The following MRNIP variants were observed in gnomAD, a reference collection of about 807,000 sequenced individuals.
MRNIP encodes the protein MRN complex interacting protein.
MRNIP carries 30 observed loss-of-function variants against 29.8 expected under a neutral mutation model. The observed-to-expected ratio is 1.01, with a 90% confidence interval of 0.75 to 1.36. MRNIP has a LOEUF of 1.36. Ranked by LOEUF, MRNIP falls within the 40% of genes most tolerant of loss-of-function variation. The probability of loss-of-function intolerance (pLI) is 0.00; values close to 1 mark genes in which losing one functional copy is unlikely to be tolerated. For missense variants in MRNIP, 459 were observed against 423.5 expected (o/e 1.08, Z -0.74); for synonymous variants, 201 against 164.1 (o/e 1.23, Z -1.72).
chr5:179,837,732 G>A lies in MRNIP; in HGVS notation c.691C>T (p.Gln231Ter), dbSNP rs1758665185. The A allele has an allele frequency of 1.9e-6, 3 of 1,614,206 alleles. No homozygotes were observed. The highest frequency in any genetic ancestry group is 2.2e-5 in the East Asian group (1 of 44,884). The change falls in exon 7 of 7, where the codon CAA becomes TAA. Residue 231 changes from glutamine to a stop codon, truncating the protein, a stop_gained. Transcript: ENST00000292586. LOFTEE classifies it low-confidence loss of function (END_TRUNC). Reference sequence around the variant, plus strand: ...CTTTTTCTAGGTGGCAGGACAAATTGCGCCCATTTAGAGGATGTGGCTGTA... The same window carrying A: ...CTTTTTCTAGGTGGCAGGACAAATTACGCCCATTTAGAGGATGTGGCTGTA... Reference protein sequence around the residue: ...QVTATSSKWAQFVLPPRKSSH... With the variant: ...QVTATSSKWA
At chr5:179,855,895 G>A (rs930165596) in intron 1 of MRNIP, among the ~76,000 whole-genome samples, 21 of 147,054 alleles carry the variant, frequency 1.4e-4, no homozygotes, top group African/African-American at 5.3e-4. Context: ...ATATAAACAA[G>A]TAAGAAAAGT....
chr5:179,853,577 G>C (rs1231305992), intron 1 of MRNIP, 140 bp from the exon 2 acceptor site: 3 of 610,724 alleles, frequency 4.9e-6, no homozygotes, highest in Non-Finnish European at 8.6e-6. Context: ...TTCGAGACCA[G>C]CCTGACCAAT....
At chr5:179,855,425 C>T (rs1003083254) in intron 1 of MRNIP, among the ~76,000 whole-genome samples, 24 of 152,106 alleles carry the variant, frequency 1.6e-4, no homozygotes, top group African/African-American at 4.8e-4. Context: ...ACCACCAGCC[C>T]GGCTGCTACC....
In MRNIP at chr5:179,837,612, C is replaced by A. The variant is rs1256810653; in HGVS notation, c.811G>T (p.Ala271Ser). ...GGCCTGCTGAGGCCTTCTCTTGAGG[C>A]CTGTGCTCTGGGGGTCCCTTGCTTA... is the stretch of plus-strand genomic sequence containing the variant. ...QAKQGTPRAQ[A>S]SREGLSRPTA... is the part of the protein sequence containing the mutation. Residue 271 changes from alanine (A) to serine (S), a missense_variant, in exon 7 of 7, where the codon GCC becomes TCC. Physicochemically the swap from Ala to Ser is moderately conservative, Grantham distance 99. Coordinates refer to ENST00000292586, the MANE Select transcript of MRNIP (RefSeq NM_016175.4). 3 of 1,614,102 alleles carry A rather than the reference C, an allele frequency of 1.9e-6. No homozygotes were observed. The highest frequency in any genetic ancestry group is 2.5e-6 in the Non-Finnish European group (3 of 1,180,060).
Position 179,837,441 on chromosome 5 carries a change from G to C in MRNIP, c.982C>G (p.Arg328Gly), listed in dbSNP as rs142061446. Residue 328 changes from arginine to glycine, a missense_variant, in exon 7 of 7, where the codon CGA becomes GGA. Arg to Gly is a moderately radical substitution (Grantham distance 125). Coordinates refer to ENST00000292586, the MANE Select transcript of MRNIP (RefSeq NM_016175.4). The part of the protein sequence containing the change: ...VLEAQNPRPT[R>G]LCDLFITGED... ...CCAGTTATAAAGAGGTCACATAGTC[G>C]TGTGGGTCGAGGATTCTGTGCCTCC... is the stretch of plus-strand genomic sequence containing the variant. The C allele has an allele frequency of 1.2e-6, 2 of 1,610,634 alleles. No individual in the cohort carries two copies. Among genetic ancestry groups the C allele is most frequent in the South Asian group, 1.1e-5 (1 of 90,880 alleles).
chr5:179,850,269 C>T (rs1013470107), intron 2 of MRNIP, among the ~76,000 whole-genome samples: 1 of 150,650 alleles, frequency 6.6e-6, no homozygotes, highest in African/African-American at 2.4e-5. Context: ...TGAGAGCATG[C>T]GTCCTGCTAT....
intron 1 of MRNIP, 25 bp downstream of exon 1, chr5:179,858,706 A>G (rs1012479973): frequency 2.1e-5 from 30 of 1,417,786 alleles, no homozygotes; most frequent in South Asian, 2.6e-5. Context: ...CCGGAGGAGG[A>G]GGAGGGGGCT....
chr5:179,853,150 A>T, intron 2 of MRNIP: 5 of 1,318,740 alleles, frequency 3.8e-6, no homozygotes, highest in Non-Finnish European at 5.2e-6. Flanking sequence ...TGGCACACAG[A>T]AAGTACTCAA....
At chr5:179,841,046 G>A (rs996781749) in intron 5 of MRNIP, 87 bp from the exon 6 acceptor site, 40 of 955,784 alleles carry the variant, frequency 4.2e-5, no homozygotes, top group East Asian at 3.2e-4. Flanking sequence ...CCACAGGCTC[G>A]GGTGGCCACC....
At chr5:179,850,568 G>A (rs1417255720) in intron 2 of MRNIP, among the ~76,000 whole-genome samples, 1 of 152,222 alleles carries the variant, frequency 6.6e-6, no homozygotes, top group African/African-American at 2.4e-5. Context: ...TAGCAACACA[G>A]AGACCACTGC....
chr5:179,850,326 G>A (rs911778307), intron 2 of MRNIP, among the ~76,000 whole-genome samples: 11 of 152,130 alleles, frequency 7.2e-5, no homozygotes, highest in African/African-American at 2.4e-4. Flanking sequence ...CTCTGCTGTC[G>A]CCATCTTGAA....
chr5:179,857,040 T>G (rs1219719771), intron 1 of MRNIP, among the ~76,000 whole-genome samples: 2 of 152,184 alleles, frequency 1.3e-5, no homozygotes, highest in Non-Finnish European at 2.9e-5. Flanking sequence ...GAGCTGTGAT[T>G]GTTACCACTG....
chr5:179,851,836 G>T (rs953663087), intron 2 of MRNIP, among the ~76,000 whole-genome samples: 1 of 151,930 alleles, frequency 6.6e-6, no homozygotes, highest in Non-Finnish European at 1.5e-5. Flanking sequence ...ATATTAGCCG[G>T]GCGTGGTGGT....
Position 179,842,648 on chromosome 5 carries a change from C to T in MRNIP, c.292-584G>A, listed in dbSNP as rs368522687. The stretch of plus-strand genomic sequence containing the variant: ...CCGGGAGGCGGGGCCTGCAGTGAGC[C>T]GAGATGGTGCCATTACACTCCAGCC... On this transcript the variant is annotated intron_variant, in intron 4 of 6. Transcript: ENST00000292586. 1.4e-4 allele frequency among the ~76,000 whole-genome samples: 17 copies of T among 121,766 alleles called. No homozygotes were observed. The East Asian group carries it at 1.9e-3, about 13-fold the overall frequency. 79.9% of individuals were successfully genotyped at this position (121,766 alleles called of 152,430 possible).
Position 179,844,153 on chromosome 5 carries a change from T to C in MRNIP, c.290A>G (p.Gln97Arg), listed in dbSNP as rs1294091415. 2.7e-5 allele frequency: 44 copies of C among 1,614,012 alleles called. No homozygotes were observed. Among genetic ancestry groups the C allele is most frequent in the Non-Finnish European group, 3.3e-5 (39 of 1,179,962 alleles). The change falls in exon 4 of 7, where the codon CAG becomes CGG. Residue 97 changes from glutamine to arginine, a missense_variant and splice_region_variant. Physicochemically the swap from Gln to Arg is conservative, Grantham distance 43. Coordinates refer to ENST00000292586, the MANE Select transcript of MRNIP (RefSeq NM_016175.4). ...GGGGCAGGTGGGCCTGAGGCTTACC[T>C]GCTGCTTCACATTCCCAGCCTGCTG... ...GHQQAGNVKQ[Q>R]EKSQPSESRW...
intron 4 of MRNIP, 72 bp downstream of exon 4, chr5:179,844,080 A>G (rs1759024839): frequency 2.4e-6 from 3 of 1,259,122 alleles, no homozygotes; most frequent in Non-Finnish European, 3.5e-6. Context: ...TATAATGACT[A>G]CTGGATACAT....
chr5:179,843,055 A>AAGGAAGGGAGGGAGGGAGGG (rs1758974969), intron 4 of MRNIP, among the ~76,000 whole-genome samples: 1 of 121,596 alleles, frequency 8.2e-6, no homozygotes, highest in Non-Finnish European at 1.8e-5. Context: ...GGAAGGAAGG[A>AAGGAAGGGAGGGAGGGAGGG]AGGAAGGGAG....
In MRNIP at chr5:179,837,645, C is replaced by G. The variant is rs767934309; in HGVS notation, c.778G>C (p.Ala260Pro). Residue 260 changes from alanine to proline, a missense_variant, in exon 7 of 7, where the codon GCA becomes CCA. Coordinates refer to ENST00000292586, the MANE Select transcript of MRNIP (RefSeq NM_016175.4). The stretch of plus-strand genomic sequence containing the variant: ...CTGGGGGTCCCTTGCTTAGCCTGTG[C>G]TGGACCAGCTGGCCTGGGGTCCCTC... ...LQRDPRPAGP[A>P]QAKQGTPRAQ... 12 of 1,614,106 alleles carry G rather than the reference C, an allele frequency of 7.4e-6. No individual in the cohort carries two copies. The Admixed American group carries it at 1.7e-4, about 22-fold the overall frequency.
chr5:179,853,139 T>C, intron 2 of MRNIP: 1 of 1,201,064 alleles, frequency 8.3e-7, no homozygotes, highest in Non-Finnish European at 1.2e-6. Flanking sequence ...CCCCTTGTGC[T>C]TGGCACACAG....
Sources: gnomAD v4.1 joint callset for allele counts (sites outside exome capture counted in the v4.1 genomes callset) on GRCh38, gnomAD v4.1.1 for gene constraint, MANE v1.5 for transcripts, NCBI Gene and HGNC (gene_info 2026-07-23, HGNC 2026-07-21) for gene names.